Variants in RPS6KA3 observed in about 807,000 individuals in gnomAD.
RPS6KA3 encodes the protein ribosomal protein S6 kinase alpha-3.
RPS6KA3 carries 4 observed loss-of-function variants against 67.2 expected under a neutral mutation model. That is an observed-to-expected ratio of 0.06 (90% CI 0.03 to 0.14). The LOEUF is 0.14. Among genes scored for constraint, RPS6KA3 ranks in the 10% least tolerant of loss-of-function variants. The pLI, the probability that RPS6KA3 is intolerant of heterozygous loss-of-function variation, is 1.00. For synonymous variants in RPS6KA3, 182 were observed against 183.7 expected (o/e 0.99, Z 0.07); for missense variants, 204 against 559.0 (o/e 0.36, Z 6.40).
intron 2 of RPS6KA3, among the ~76,000 whole-genome samples, chrX:20,210,822 T>C (rs1487701231): frequency 9.0e-6 from 1 of 110,844 alleles, no homozygotes; most frequent in Non-Finnish European, 1.9e-5. Flanking sequence ...GTGCAGTAGG[T>C]ATTAGCGTAG....
intron 1 of RPS6KA3, among the ~76,000 whole-genome samples, chrX:20,247,200 T>C (rs987327989): frequency 2.7e-5 from 3 of 109,683 alleles, no homozygotes; most frequent in Non-Finnish European, 5.7e-5. Flanking sequence ...TTTGGATAGG[T>C]GGATTGCTTG....
intron 2 of RPS6KA3, among the ~76,000 whole-genome samples, chrX:20,212,988 T>C (rs946768952): frequency 2.7e-5 from 3 of 111,798 alleles, no homozygotes; most frequent in African/African-American, 9.8e-5. Context: ...ATTCATTTTC[T>C]GAAATTATAC....
At chrX:20,261,050 A>G (rs1238534118) in intron 1 of RPS6KA3, among the ~76,000 whole-genome samples, 1 of 111,355 alleles carries the variant, frequency 9.0e-6, no homozygotes, top group Non-Finnish European at 1.9e-5. Context: ...CACATGACAA[A>G]AAGACAAATA....
chrX:20,186,489 C>G, intron 9 of RPS6KA3, 123 bp from the exon 10 acceptor site: 1 of 483,381 alleles, frequency 2.1e-6, no homozygotes, highest in Non-Finnish European at 3.6e-6. Context: ...TGCTACATAA[C>G]AAGTGTTTTC....
chrX:20,223,756 G>A (rs1459290461), intron 2 of RPS6KA3, among the ~76,000 whole-genome samples: 2 of 111,695 alleles, frequency 1.8e-5, no homozygotes, highest in African/African-American at 3.3e-5. Context: ...CATTTTATCT[G>A]TAAATATTTG....
intron 20 of RPS6KA3, among the ~76,000 whole-genome samples, chrX:20,159,708 G>A (rs752996658): frequency 8.9e-6 from 1 of 112,090 alleles, no homozygotes; most frequent in Non-Finnish European, 1.9e-5. Flanking sequence ...ATCAATTAAT[G>A]TGTAAGCCCT....
rs755438063 is a variant in RPS6KA3 at position 20,150,208 on chromosome X, T to C, written c.*5190A>G. The C allele has an allele frequency of 8.8e-6, 1 of 113,720 alleles. No homozygotes were observed. The highest frequency in any genetic ancestry group is 3.5e-4 in the South Asian group (1 of 2,818). 9.4% of individuals were successfully genotyped at this position (113,720 alleles called of 1,213,427 possible). On this transcript the variant is annotated 3_prime_UTR_variant, in exon 22 of 22. Transcript: ENST00000379565. ...AAAAGGTACAATATGTAAGAATTCA[T>C]GATATGGTATCTTGGGCTTCTGGCA...
chrX:20,235,758 A>G (rs987973665), intron 1 of RPS6KA3, among the ~76,000 whole-genome samples: 3 of 111,928 alleles, frequency 2.7e-5, no homozygotes, highest in African/African-American at 9.7e-5. Context: ...ATCCGAGTCC[A>G]TATTTTAAAA....
At chrX:20,199,940 G>A (rs929808956) in intron 4 of RPS6KA3, among the ~76,000 whole-genome samples, 4 of 111,711 alleles carry the variant, frequency 3.6e-5, no homozygotes, top group Non-Finnish European at 7.5e-5. Flanking sequence ...AGTGACAGGC[G>A]GTAGAATAAA....
intron 2 of RPS6KA3, among the ~76,000 whole-genome samples, chrX:20,219,150 G>A (rs2068929393): frequency 1.8e-5 from 2 of 111,832 alleles, no homozygotes; most frequent in Middle Eastern, 4.6e-3. Flanking sequence ...CCAGCAATCC[G>A]GACAATTTTC....
rs751568025 is a variant in RPS6KA3 at position 20,195,685 on chromosome X, G to A, written c.326-540C>T. ...AACATACTGTGGTATAGCTGAAAGA[G>A]CAAATGTTTTCTGGAGTTTAGACAG... On this transcript the variant is annotated intron_variant, in intron 4 of 21. Transcript: ENST00000379565. Among the ~76,000 whole-genome samples the A allele has an allele frequency of 2.7e-5, 3 of 112,173 alleles. No individual in the cohort carries two copies. In the South Asian group the frequency reaches 1.1e-3, roughly 41 times the overall value.
chrX:20,237,676 A>G (rs2069449798), intron 1 of RPS6KA3, among the ~76,000 whole-genome samples: 1 of 111,898 alleles, frequency 8.9e-6, no homozygotes, highest in African/African-American at 3.2e-5. Context: ...AACTTTATAA[A>G]TGTTAAAGAG....
intron 15 of RPS6KA3, among the ~76,000 whole-genome samples, chrX:20,170,140 CT>C (rs2067536265): frequency 8.9e-6 from 1 of 111,953 alleles, no homozygotes; most frequent in Non-Finnish European, 1.9e-5. Context: ...ATGTAGCTTT[CT>C]AACCCTTTTA....
chrX:20,182,541 C>G (rs1411278223), intron 10 of RPS6KA3, among the ~76,000 whole-genome samples: 1 of 112,385 alleles, frequency 8.9e-6, no homozygotes, highest in Non-Finnish European at 1.9e-5. Context: ...AGCGTAAATA[C>G]AACAACTTCT....
chrX:20,235,230 C>T (rs935177915), intron 1 of RPS6KA3, among the ~76,000 whole-genome samples: 3 of 110,655 alleles, frequency 2.7e-5, no homozygotes, highest in Non-Finnish European at 5.7e-5. Context: ...AGCCCAATCT[C>T]TACATCAAAA....
At chrX:20,231,068 TC>T (rs1384868781) in intron 2 of RPS6KA3, among the ~76,000 whole-genome samples, 2 of 110,809 alleles carry the variant, frequency 1.8e-5, no homozygotes, top group Non-Finnish European at 3.8e-5. Context: ...CAAGTGATTC[TC>T]TGCTTCAGCC....
At position 20,193,414 on chromosome X, in the gene RPS6KA3, A is replaced by G. The variant is rs2068193157; in HGVS notation, c.593+73T>C. On this transcript the variant is annotated intron_variant, in intron 7 of 21. Transcript: ENST00000379565. ...GTGCAATACTGTGGGAGTTTCATGA[A>G]GCCACTTGATTTTTTATAATCTCCT... is the stretch of plus-strand genomic sequence containing the variant. 4.9e-6 allele frequency: 3 copies of G among 613,078 alleles called. No homozygotes were observed. The South Asian group carries it at 7.3e-5, about 15-fold the overall frequency. The allele number at this position is 613,078 out of a possible 1,213,427, so 50.5% of individuals were successfully genotyped here.
chrX:20,254,474 T>C lies in RPS6KA3; in HGVS notation c.69+12090A>G, dbSNP rs2069978909. 3.6e-5 allele frequency among the ~76,000 whole-genome samples: 4 copies of C among 112,001 alleles called. No individual in the cohort carries two copies. In the Admixed American group the frequency reaches 3.8e-4, roughly 11 times the overall value. The stretch of plus-strand genomic sequence containing the variant: ...GAGAAAGGGTGCCCTAGGTGAGAGG[T>C]ATCCTAAGGCACTTTCATAGAACCT... On this transcript the variant is annotated intron_variant, in intron 1 of 21. Coordinates refer to ENST00000379565, the MANE Select transcript of RPS6KA3 (RefSeq NM_004586.3).
At chrX:20,194,758 T>C (rs1167702309) in intron 5 of RPS6KA3, among the ~76,000 whole-genome samples, 6 of 110,751 alleles carry the variant, frequency 5.4e-5, no homozygotes, top group African/African-American at 1.6e-4. Context: ...CTAACACATA[T>C]AGGCTACAAA....
Sources: gnomAD v4.1 joint callset for allele counts (sites outside exome capture counted in the v4.1 genomes callset) on GRCh38, gnomAD v4.1.1 for gene constraint, MANE v1.5 for transcripts, NCBI Gene and HGNC (gene_info 2026-07-23, HGNC 2026-07-21) for gene names.